Variants in ATOSB observed in about 807,000 individuals in gnomAD.
ATOSB encodes the protein atos homolog B.
the ATOSB span, chr9:35,115,641 T>G: frequency 3.5e-5 from 4 of 112,752 alleles, no homozygotes; most frequent in Admixed American, 2.4e-4. Context: ...GCTCCCGCCC[T>G]TCCCCCATAG....
At chr9:35,114,949 G>A in the ATOSB span, among the ~76,000 whole-genome samples, 3 of 152,006 alleles carry the variant, frequency 2.0e-5, no homozygotes, top group East Asian at 5.8e-4. Context: ...ACAAAGTACC[G>A]GGCAGGGCAC....
At chr9:35,105,246 T>G in the ATOSB span, 4 of 1,613,698 alleles carry the variant, frequency 2.5e-6, no homozygotes, top group South Asian at 4.4e-5. This position sits in a 1 kb window ranked among gnomAD's most constrained non-coding sequence, Gnocchi z 5.5. Context: ...ATAACGTGGA[T>G]TATGAGGGGC....
chr9:35,114,330 C>T, the ATOSB span, among the ~76,000 whole-genome samples: 4 of 152,208 alleles, frequency 2.6e-5, no homozygotes, highest in Admixed American at 2.6e-4. Flanking sequence ...CTTCAGCCTG[C>T]CCTTTTTTAC....
At chr9:35,112,337 T>C in the ATOSB span, 1 of 152,242 alleles carries the variant, frequency 6.6e-6, no homozygotes, top group African/African-American at 2.4e-5. Context: ...CACAGGCCCA[T>C]GTTCAAGGAG....
At chr9:35,108,498 G>A in the ATOSB span, 1 of 1,265,594 alleles carries the variant, frequency 7.9e-7, no homozygotes, top group Non-Finnish European at 1.0e-6. Context: ...TGGACTAATG[G>A]AATATAGAGA....
At chr9:35,107,633 C>A in the ATOSB span, 1 of 1,603,330 alleles carries the variant, frequency 6.2e-7, no homozygotes, top group South Asian at 1.1e-5. Context: ...CAGGGGACTC[C>A]CTAGGCCAGA....
the ATOSB span, among the ~76,000 whole-genome samples, chr9:35,115,039 G>T: frequency 6.6e-6 from 1 of 151,428 alleles, no homozygotes; most frequent in Non-Finnish European, 1.5e-5. Flanking sequence ...GAGCATAAGG[G>T]CAGGGCGGGG....
the ATOSB span, chr9:35,104,539 T>C: frequency 3.8e-6 from 1 of 265,036 alleles, no homozygotes. Context: ...TGTGTGTGCA[T>C]ACATGCACAC....
At chr9:35,104,868 T>C in the ATOSB span, 1 of 170,636 alleles carries the variant, frequency 5.9e-6, no homozygotes, top group Non-Finnish European at 1.3e-5. Flanking sequence ...TTGAATAAAT[T>C]ATAAATTAAA....
At chr9:35,114,386 C>T in the ATOSB span, among the ~76,000 whole-genome samples, 2 of 149,908 alleles carry the variant, frequency 1.3e-5, no homozygotes, top group Admixed American at 6.6e-5. Context: ...GACCCACCCC[C>T]CTCCCCAGCC....
the ATOSB span, chr9:35,106,392 G>C: frequency 6.2e-7 from 1 of 1,614,156 alleles, no homozygotes; most frequent in Non-Finnish European, 8.5e-7. The surrounding 1 kb of genome is among the most constrained non-coding windows in gnomAD (Gnocchi z 4.6). Flanking sequence ...GGTGCAAAAC[G>C]TCCTCGCAGC....
chr9:35,106,275 G>T, the ATOSB span: 1 of 1,613,994 alleles, frequency 6.2e-7, no homozygotes, highest in Non-Finnish European at 8.5e-7. The surrounding 1 kb of genome is among the most constrained non-coding windows in gnomAD (Gnocchi z 4.6). Context: ...GGGGCATTTT[G>T]CTCAGAAACA....
the ATOSB span, chr9:35,110,206 A>G: frequency 6.6e-6 from 1 of 152,204 alleles, no homozygotes; most frequent in Non-Finnish European, 1.5e-5. Context: ...GATGGCTGGA[A>G]AGGGCAGAAC....
chr9:35,105,300 T>C, the ATOSB span: 1 of 1,613,988 alleles, frequency 6.2e-7, no homozygotes, highest in Non-Finnish European at 8.5e-7. The surrounding 1 kb of genome is among the most constrained non-coding windows in gnomAD (Gnocchi z 5.5). Context: ...TGTGTCCAGC[T>C]CCAGGCTCCG....
the ATOSB span, chr9:35,111,159 C>A: frequency 1.3e-5 from 2 of 154,214 alleles, no homozygotes; most frequent in Non-Finnish European, 1.4e-5. Flanking sequence ...CCCTTACCCC[C>A]TGCCCAGCCT....
the ATOSB span, chr9:35,108,814 G>A: frequency 2.9e-6 from 1 of 343,056 alleles, no homozygotes; most frequent in African/African-American, 2.2e-5. Flanking sequence ...TAGGCTAATA[G>A]TACACTCCAG....
At chr9:35,107,562 C>T in the ATOSB span, 2 of 1,593,294 alleles carry the variant, frequency 1.3e-6, no homozygotes, top group African/African-American at 1.4e-5. Flanking sequence ...CTTGGTGGGG[C>T]AGGGGCCTGG....
At chr9:35,108,365 G>C in the ATOSB span, 1 of 1,428,884 alleles carries the variant, frequency 7.0e-7, no homozygotes, top group South Asian at 1.5e-5. Flanking sequence ...TAAGAGAAGA[G>C]AAGAAAAGGT....
At chr9:35,111,740 C>T in the ATOSB span, among the ~76,000 whole-genome samples, 5 of 152,182 alleles carry the variant, frequency 3.3e-5, no homozygotes, top group Non-Finnish European at 7.3e-5. Context: ...CGAGGCACGC[C>T]CCCTCCAAGA....
Sources: gnomAD v4.1 joint callset for allele counts (sites outside exome capture counted in the v4.1 genomes callset) on GRCh38, gnomAD v4.1.1 for gene constraint, Gnocchi (gnomAD v3.1) non-coding constraint, MANE v1.5 for transcripts, NCBI Gene and HGNC (gene_info 2026-07-23, HGNC 2026-07-21) for gene names.